The following INPP4B variants were observed in gnomAD, a reference collection of about 807,000 sequenced individuals.
The protein encoded by INPP4B is inositol polyphosphate-4-phosphatase type II B, also known as inositol polyphosphate 4-phosphatase type II.
Under a neutral mutation model 122.5 loss-of-function variants are expected in INPP4B, and 55 were observed. That is an observed-to-expected ratio of 0.45 (90% CI 0.36 to 0.56). The LOEUF (loss-of-function observed/expected upper bound fraction) is 0.56. Ranked by LOEUF, INPP4B falls within the 20% of genes least tolerant of loss-of-function variation. The pLI, the probability that INPP4B is intolerant of heterozygous loss-of-function variation, is 0.00. For synonymous variants in INPP4B, 403 were observed against 388.7 expected (o/e 1.04, Z -0.43); for missense variants, 1,000 against 1,097.7 (o/e 0.91, Z 1.26).
chr4:142,679,295 A>C (rs1758249966), intron 2 of INPP4B, among the ~76,000 whole-genome samples: 1 of 151,900 alleles, frequency 6.6e-6, no homozygotes, highest in African/African-American at 2.4e-5. Flanking sequence ...AAGACACAGT[A>C]CACTTTCTTT....
At chr4:142,425,421 C>CT (rs893152607) in intron 5 of INPP4B, among the ~76,000 whole-genome samples, 9 of 151,306 alleles carry the variant, frequency 5.9e-5, no homozygotes, top group South Asian at 2.1e-4. Flanking sequence ...TTCACTGTGG[C>CT]TTTTTTTTTC....
chr4:142,827,404 A>G (rs935773852), intron 1 of INPP4B, among the ~76,000 whole-genome samples: 1 of 152,184 alleles, frequency 6.6e-6, no homozygotes, highest in Non-Finnish European at 1.5e-5. Context: ...GTCACACACA[A>G]ACTAGAAGGT....
chr4:142,609,609 G>T (rs1742040336), intron 2 of INPP4B, among the ~76,000 whole-genome samples: 1 of 152,008 alleles, frequency 6.6e-6, no homozygotes. Flanking sequence ...CTTTATCACT[G>T]ATAAAAATTA....
intron 5 of INPP4B, among the ~76,000 whole-genome samples, chr4:142,427,749 A>T (rs1808423234): frequency 6.6e-6 from 1 of 152,014 alleles, no homozygotes; most frequent in Non-Finnish European, 1.5e-5. Flanking sequence ...CACTCTAATG[A>T]AACTTCACTT....
At chr4:142,301,352 C>T (rs1761318788) in intron 9 of INPP4B, among the ~76,000 whole-genome samples, 1 of 152,062 alleles carries the variant, frequency 6.6e-6, no homozygotes, top group Non-Finnish European at 1.5e-5. Flanking sequence ...TTAATTGAGA[C>T]TCCTAAAACC....
chr4:142,611,333 T>C (rs960244951), intron 2 of INPP4B, among the ~76,000 whole-genome samples: 2 of 152,154 alleles, frequency 1.3e-5, no homozygotes, highest in Non-Finnish European at 2.9e-5. Flanking sequence ...GGTGTTACAA[T>C]TCGATGTGAG....
chr4:142,162,324 A>G (rs1482214144), intron 16 of INPP4B, among the ~76,000 whole-genome samples: 1 of 151,778 alleles, frequency 6.6e-6, no homozygotes, highest in African/African-American at 2.4e-5. Flanking sequence ...GATATAAAAA[A>G]ACTGATGGAA....
In INPP4B at chr4:142,675,104, C is replaced by G. The variant is rs187295154; in HGVS notation, c.-191+50735G>C. 5.2e-3 allele frequency among the ~76,000 whole-genome samples: 786 copies of G among 152,076 alleles called. 7 individuals are homozygous for G. Among genetic ancestry groups the G allele is most frequent in the Non-Finnish European group, 6.3e-3 (428 of 67,964 alleles). ...GAAAAGATCAACAAAATAGATAGAC[C>G]ACTAGCCAGACTAATAAAGAAGAGA... is the stretch of plus-strand genomic sequence containing the variant. On this transcript the variant is annotated intron_variant, in intron 2 of 25. Transcript: ENST00000262992.
chr4:142,834,776 A>G (rs1469288269), intron 1 of INPP4B, among the ~76,000 whole-genome samples: 1 of 152,194 alleles, frequency 6.6e-6, no homozygotes, highest in Non-Finnish European at 1.5e-5. Flanking sequence ...TCAGTACCAC[A>G]TCGCCTAAGA....
chr4:142,778,111 C>T (rs184187531), intron 1 of INPP4B, among the ~76,000 whole-genome samples: 301 of 152,260 alleles, frequency 2.0e-3, no homozygotes, highest in African/African-American at 6.8e-3. Context: ...TAAGCTGAAC[C>T]TCAACATACT....
chr4:142,041,668 G>A (rs1438297911), intron 25 of INPP4B, among the ~76,000 whole-genome samples: 1 of 152,056 alleles, frequency 6.6e-6, no homozygotes, highest in African/African-American at 2.4e-5. Flanking sequence ...TTCTCTTCCT[G>A]TGCCAAATCT....
intron 21 of INPP4B, 124 bp downstream of exon 21, chr4:142,122,004 A>G (rs923034494): frequency 3.0e-6 from 2 of 659,690 alleles, no homozygotes; most frequent in African/African-American, 3.8e-5. Flanking sequence ...CTTACCAAAA[A>G]GGAAAAGAAA....
chr4:142,589,994 G>A (rs1195499747), intron 2 of INPP4B, among the ~76,000 whole-genome samples: 1 of 152,024 alleles, frequency 6.6e-6, no homozygotes, highest in East Asian at 1.9e-4. Context: ...TAAATCTTAA[G>A]TACATATTAT....
intron 2 of INPP4B, among the ~76,000 whole-genome samples, chr4:142,545,680 A>T (rs1553955827): frequency 1.1e-5 from 1 of 93,194 alleles, no homozygotes; most frequent in Non-Finnish European, 2.3e-5. Context: ...TATTAGATTT[A>T]ATACACACAT....
chr4:142,812,989 G>A (rs1779696412), intron 1 of INPP4B, among the ~76,000 whole-genome samples: 1 of 152,162 alleles, frequency 6.6e-6, no homozygotes, highest in Non-Finnish European at 1.5e-5. Flanking sequence ...AGGCAGTCCA[G>A]GAATTTAATG....
chr4:142,042,516 G>C (rs13116113), intron 25 of INPP4B, among the ~76,000 whole-genome samples: 3 of 48,128 alleles, frequency 6.2e-5, no homozygotes, highest in Non-Finnish European at 1.8e-4. Context: ...TTATGTGTGT[G>C]TGTATGTATG....
chr4:142,422,336 T>C (rs1255174482), intron 5 of INPP4B, among the ~76,000 whole-genome samples: 1 of 152,036 alleles, frequency 6.6e-6, no homozygotes, highest in Non-Finnish European at 1.5e-5. Context: ...TGTAGAGTTG[T>C]GGTGAGAAAT....
intron 9 of INPP4B, among the ~76,000 whole-genome samples, chr4:142,280,043 A>G (rs998152340): frequency 6.6e-6 from 1 of 151,864 alleles, no homozygotes; most frequent in Non-Finnish European, 1.5e-5. Flanking sequence ...AATTAAAACT[A>G]CTATGAGACG....
At chr4:142,700,812 T>C (rs1761659176) in intron 2 of INPP4B, among the ~76,000 whole-genome samples, 1 of 152,194 alleles carries the variant, frequency 6.6e-6, no homozygotes, top group Non-Finnish European at 1.5e-5. Context: ...TATATTTTTA[T>C]ACCAGCTTTC....
Sources: gnomAD v4.1 joint callset for allele counts (sites outside exome capture counted in the v4.1 genomes callset) on GRCh38, gnomAD v4.1.1 for gene constraint, MANE v1.5 for transcripts, NCBI Gene and HGNC (gene_info 2026-07-23, HGNC 2026-07-21) for gene names.